Variants in CHN1 observed in about 807,000 individuals in gnomAD.
CHN1 encodes chimerin 1, also known as N-chimaerin.
In CHN1, 37 loss-of-function variants were observed where a neutral mutation model predicts 59.5. The observed-to-expected ratio is 0.62, with a 90% CI of 0.48 to 0.82. The LOEUF is 0.82. CHN1 is among the 40% of genes least tolerant of loss of function. CHN1 has a pLI of 0.00. For synonymous variants in CHN1, 206 were observed against 200.4 expected, an observed-to-expected ratio of 1.03 and a Z score of -0.24; for missense variants, 469 against 571.0, an observed-to-expected ratio of 0.82 and a Z score of 1.82.
rs143456759 is a variant in CHN1 at position 174,911,698 on chromosome 2, A to G, written c.260+3360T>C. 1.8e-3 allele frequency among the ~76,000 whole-genome samples: 272 copies of G among 152,344 alleles called. 1 individual carries two copies. The highest frequency in any genetic ancestry group is 6.3e-3 in the African/African-American group (260 of 41,586). On this transcript the variant is annotated intron_variant, in intron 5 of 12. Coordinates refer to ENST00000409900, the MANE Select transcript of CHN1 (RefSeq NM_001822.7). Reference sequence around the variant, plus strand: ...GAAAGTTGGTAGTGTGACAGCACACATACAATACACACTCCCCTAAACAGC... The same window carrying G: ...GAAAGTTGGTAGTGTGACAGCACACGTACAATACACACTCCCCTAAACAGC...
intron 1 of CHN1, among the ~76,000 whole-genome samples, chr2:174,956,880 A>G (rs531597663): frequency 1.3e-5 from 2 of 152,338 alleles, no homozygotes; most frequent in African/African-American, 4.8e-5. Flanking sequence ...ATTATATGCT[A>G]TGAAGTTACC....
In CHN1 at chr2:174,801,718, T is replaced by C. The variant is rs2105370811; in HGVS notation, c.1197A>G (p.Ala399=). 3 of 1,612,948 alleles carry C rather than the reference T, an allele frequency of 1.9e-6. No homozygotes were observed. The highest frequency in any genetic ancestry group is 1.7e-4 in the Middle Eastern group (1 of 6,054). The change falls in exon 12 of 13, where the codon GCA becomes GCG. Residue 399 remains alanine (A), a synonymous_variant. Coordinates refer to ENST00000409900, the MANE Select transcript of CHN1 (RefSeq NM_001822.7). ...AGTCTATAGCTTGCCTCTTTAGATG[T>C]GCCATGAGGTACCGGAGGGTTTCGC... ...AHCETLRYLM[A]HLKRVTLHEK... is the part of the protein sequence containing the mutation.
rs180753142 is a variant in CHN1 at position 174,869,269 on chromosome 2, C to T, written c.549+8571G>A. ...ACACTGCCTTGTAATCACTACTATA[C>T]ACCTCTAATTCCTTTGCTGCTCATA... is the stretch of plus-strand genomic sequence containing the variant. On this transcript the variant is annotated intron_variant, in intron 6 of 12. Transcript: ENST00000409900. 2.2e-4 allele frequency among the ~76,000 whole-genome samples: 34 copies of T among 152,320 alleles called. 1 individual carries two copies. The highest frequency in any genetic ancestry group is 1.8e-3 in the Admixed American group (27 of 15,302).
At chr2:174,881,941 G>C (rs1687750667) in intron 5 of CHN1, among the ~76,000 whole-genome samples, 1 of 152,204 alleles carries the variant, frequency 6.6e-6, no homozygotes, top group African/African-American at 2.4e-5. Context: ...ATTGAAAGCG[G>C]GACATATTAA....
chr2:174,974,462 T>A (rs1690855545), intron 1 of CHN1, among the ~76,000 whole-genome samples: 1 of 152,076 alleles, frequency 6.6e-6, no homozygotes, highest in Non-Finnish European at 1.5e-5. Flanking sequence ...ATGACAGCAA[T>A]GAAAAAACAT....
chr2:174,815,204 C>T (rs572346994), intron 8 of CHN1, among the ~76,000 whole-genome samples: 1 of 152,130 alleles, frequency 6.6e-6, no homozygotes, highest in Non-Finnish European at 1.5e-5. Context: ...TAGTGAGACC[C>T]TGCCTCTACA....
chr2:174,964,549 C>A (rs1366926597), intron 1 of CHN1, among the ~76,000 whole-genome samples: 2 of 152,280 alleles, frequency 1.3e-5, no homozygotes, highest in Admixed American at 6.5e-5. Context: ...GCATGTACTA[C>A]CAGAGAAATC....
intron 5 of CHN1, among the ~76,000 whole-genome samples, chr2:174,883,965 C>CTT (rs141023955): frequency 9.5e-4 from 116 of 121,500 alleles, no homozygotes; most frequent in African/African-American, 2.2e-3. Context: ...AGTCTAACTT[C>CTT]TTTTTTTTTT....
chr2:174,811,429 CA>C, intron 10 of CHN1, 81 bp downstream of exon 10: 1 of 897,422 alleles, frequency 1.1e-6, no homozygotes, highest in Non-Finnish European at 1.7e-6. Flanking sequence ...AAAAATAATG[CA>C]AAAAATACCT....
At chr2:174,944,443 T>G (rs1276390265) in intron 3 of CHN1, among the ~76,000 whole-genome samples, 1 of 152,224 alleles carries the variant, frequency 6.6e-6, no homozygotes, top group Non-Finnish European at 1.5e-5. Flanking sequence ...CAATGAAATT[T>G]GAACATCTTT....
chr2:174,944,984 A>G (rs1184783266), intron 2 of CHN1, 41 bp from the exon 3 acceptor site: 9 of 1,389,122 alleles, frequency 6.5e-6, no homozygotes, highest in South Asian at 1.3e-5. Flanking sequence ...TGTCCCTTAC[A>G]TAGAACTTAT....
At chr2:174,888,772 G>C (rs1574130390) in intron 5 of CHN1, among the ~76,000 whole-genome samples, 1 of 152,204 alleles carries the variant, frequency 6.6e-6, no homozygotes. Flanking sequence ...TGCATGCAAT[G>C]TTGGCTTTTT....
intron 4 of CHN1, among the ~76,000 whole-genome samples, chr2:174,916,096 C>G (rs550689654): frequency 6.6e-5 from 10 of 152,314 alleles, no homozygotes; most frequent in African/African-American, 2.4e-4. Context: ...AGGAACTCAA[C>G]TGTTACCAAT....
intron 4 of CHN1, among the ~76,000 whole-genome samples, chr2:174,917,469 C>G (rs1293193861): frequency 6.6e-6 from 1 of 151,622 alleles, no homozygotes; most frequent in African/African-American, 2.4e-5. Context: ...AAAAGAAAAT[C>G]AAACTAAAGA....
chr2:174,806,167 C>T (rs1463157611), intron 11 of CHN1, among the ~76,000 whole-genome samples: 1 of 152,086 alleles, frequency 6.6e-6, no homozygotes, highest in Non-Finnish European at 1.5e-5. Flanking sequence ...TGAACACAGA[C>T]TTCAGGTGGG....
chr2:175,000,744 TTTA>T (rs372337918), intron 1 of CHN1, among the ~76,000 whole-genome samples: 2 of 151,978 alleles, frequency 1.3e-5, no homozygotes, highest in East Asian at 1.9e-4. Context: ...GCACCCAGGC[TTTA>T]TTATTATTAT....
intron 5 of CHN1, among the ~76,000 whole-genome samples, chr2:174,913,474 C>T (rs1688755508): frequency 6.6e-6 from 1 of 152,100 alleles, no homozygotes; most frequent in African/African-American, 2.4e-5. Context: ...TGCCCCAAAT[C>T]AGTCTTCTAA....
At chr2:174,974,354 C>T (rs368104907) in intron 1 of CHN1, among the ~76,000 whole-genome samples, 2 of 152,030 alleles carry the variant, frequency 1.3e-5, no homozygotes, top group South Asian at 4.2e-4. Context: ...TTGGAATGCC[C>T]GCAAGGATGC....
rs182170548 is a variant in CHN1 at position 174,965,542 on chromosome 2, G to C, written c.20-13340C>G. Among the ~76,000 whole-genome samples, 426 of 152,164 alleles carry C rather than the reference G, an allele frequency of 2.8e-3. 2 individuals are homozygous for C. Among genetic ancestry groups the C allele is most frequent in the African/African-American group, 9.7e-3 (401 of 41,548 alleles). Reference sequence around the variant, plus strand: ...GACTATATTGCATTTTAAATGTTTAGACAAATGACCTATGAACACTCAAAA... The same window carrying C: ...GACTATATTGCATTTTAAATGTTTACACAAATGACCTATGAACACTCAAAA... On this transcript the variant is annotated intron_variant, in intron 1 of 12. Coordinates refer to ENST00000409900, the MANE Select transcript of CHN1 (RefSeq NM_001822.7).
Sources: gnomAD v4.1 joint callset for allele counts (sites outside exome capture counted in the v4.1 genomes callset) on GRCh38, gnomAD v4.1.1 for gene constraint, MANE v1.5 for transcripts, NCBI Gene and HGNC (gene_info 2026-07-23, HGNC 2026-07-21) for gene names.